Variants in RASGRP1 observed in about 807,000 individuals in gnomAD.
RASGRP1 encodes RAS guanyl releasing protein 1.
A neutral mutation model predicts 95.1 loss-of-function variants in RASGRP1; 37 were observed. That is an observed-to-expected ratio of 0.39 (90% CI 0.30 to 0.51). RASGRP1 has a LOEUF of 0.51. Among genes scored for constraint, RASGRP1 ranks in the 20% least tolerant of loss-of-function variants. RASGRP1 has a pLI of 0.80. For missense variants in RASGRP1, 711 were observed against 965.4 expected (o/e 0.74, Z 3.49); for synonymous variants, 325 against 353.4 (o/e 0.92, Z 0.90).
intron 11 of RASGRP1, 103 bp downstream of exon 11, chr15:38,503,169 G>T: frequency 1.1e-6 from 1 of 899,760 alleles, no homozygotes; most frequent in Non-Finnish European, 1.7e-6. Flanking sequence ...CAAGTTTCGT[G>T]CCTTTACATT....
chr15:38,536,490 A>G (rs1206914707), intron 2 of RASGRP1, among the ~76,000 whole-genome samples: 2 of 152,248 alleles, frequency 1.3e-5, no homozygotes, highest in East Asian at 3.8e-4. Context: ...ATTTTCAGAC[A>G]TGCCCAATAG....
chr15:38,508,337 T>C (rs547755811), intron 8 of RASGRP1, among the ~76,000 whole-genome samples: 4 of 152,322 alleles, frequency 2.6e-5, no homozygotes, highest in African/African-American at 9.6e-5. Context: ...CAAGAATATA[T>C]AGTGAACACT....
intron 8 of RASGRP1, among the ~76,000 whole-genome samples, chr15:38,510,045 A>G (rs1891439611): frequency 6.6e-6 from 1 of 152,202 alleles, no homozygotes; most frequent in African/African-American, 2.4e-5. Flanking sequence ...CTCACAAGAC[A>G]AGAGTGTAAC....
At chr15:38,496,194 A>G (rs1026130823) in intron 15 of RASGRP1, among the ~76,000 whole-genome samples, 4 of 152,224 alleles carry the variant, frequency 2.6e-5, no homozygotes, top group African/African-American at 9.6e-5. Flanking sequence ...TGAGATAGAA[A>G]TAACTAAGAA....
chr15:38,509,434 A>T (rs1248267500), intron 8 of RASGRP1, among the ~76,000 whole-genome samples: 4 of 152,184 alleles, frequency 2.6e-5, no homozygotes, highest in Admixed American at 6.5e-5. Context: ...GCATTTTAAA[A>T]CTTATGAATT....
At chr15:38,564,208 A>C (rs775307814) in intron 1 of RASGRP1, among the ~76,000 whole-genome samples, 12 of 152,196 alleles carry the variant, frequency 7.9e-5, no homozygotes, top group Non-Finnish European at 1.6e-4. Flanking sequence ...GCGCAGCCGG[A>C]GCCCAGCGCC....
intron 2 of RASGRP1, among the ~76,000 whole-genome samples, chr15:38,553,348 C>T (rs920674581): frequency 1.3e-5 from 2 of 152,222 alleles, no homozygotes; most frequent in African/African-American, 4.8e-5. Context: ...CTGTTTCTGT[C>T]AATTACTGAA....
intron 8 of RASGRP1, among the ~76,000 whole-genome samples, chr15:38,509,720 T>C (rs1891422212): frequency 2.0e-5 from 3 of 152,162 alleles, no homozygotes; most frequent in East Asian, 3.9e-4. Context: ...AGTGAGACTG[T>C]CTCAATCAAT....
chr15:38,554,931 A>G (rs1278862772), intron 2 of RASGRP1, among the ~76,000 whole-genome samples: 3 of 152,210 alleles, frequency 2.0e-5, no homozygotes, highest in Non-Finnish European at 2.9e-5. Flanking sequence ...TCCTGACACT[A>G]CAACTGACTT....
chr15:38,547,862 C>T (rs375833346), intron 2 of RASGRP1, among the ~76,000 whole-genome samples: 171 of 151,876 alleles, frequency 1.1e-3, no homozygotes, highest in African/African-American at 3.5e-3. Context: ...TGTGTGCGCG[C>T]GCGCGTGTGT....
At chr15:38,503,991 A>G (rs1314327054) in intron 10 of RASGRP1, 1 of 139,430 alleles carries the variant, frequency 7.2e-6, no homozygotes, top group South Asian at 2.5e-4. Context: ...CTACATACCT[A>G]TACAGCAGGT....
intron 16 of RASGRP1, among the ~76,000 whole-genome samples, chr15:38,493,740 A>C (rs1890686502): frequency 1.3e-5 from 2 of 152,298 alleles, no homozygotes; most frequent in South Asian, 4.1e-4. Flanking sequence ...AATATGTGTA[A>C]AAGATCAGCA....
At chr15:38,555,046 G>A (rs1035866323) in intron 2 of RASGRP1, among the ~76,000 whole-genome samples, 3 of 152,202 alleles carry the variant, frequency 2.0e-5, no homozygotes, top group African/African-American at 7.2e-5. Context: ...TTGCTTTGGT[G>A]CACAGACCAA....
intron 2 of RASGRP1, among the ~76,000 whole-genome samples, chr15:38,543,640 C>CT (rs1211206920): frequency 4.0e-5 from 2 of 49,794 alleles, no homozygotes; most frequent in African/African-American, 9.3e-5. Context: ...TTCTTTTTTT[C>CT]TTTTTTTCTT....
At chr15:38,502,476 C>A in intron 11 of RASGRP1, 55 bp from the exon 12 acceptor site, 1 of 1,125,866 alleles carries the variant, frequency 8.9e-7, no homozygotes, top group East Asian at 2.5e-5. Context: ...TCTTCTCTCC[C>A]TTTAGTCAAA....
chr15:38,543,561 CTTTT>C (rs1312763434), intron 2 of RASGRP1, among the ~76,000 whole-genome samples: 1 of 60,696 alleles, frequency 1.6e-5, no homozygotes, highest in African/African-American at 6.0e-5. Context: ...AAACTCTAGT[CTTTT>C]TTTTTTTTTT....
Position 38,534,362 on chromosome 15 carries a change from C to T in RASGRP1, c.221-7958G>A, listed in dbSNP as rs1048421333. On this transcript the variant is annotated intron_variant, in intron 2 of 16. Transcript: ENST00000310803. Reference sequence around the variant, plus strand: ...GTCCTGTTCTTCTTTCTGGGATAACCTGGTATGTCATACCCTGGCCCACAT... The same window carrying T: ...GTCCTGTTCTTCTTTCTGGGATAACTTGGTATGTCATACCCTGGCCCACAT... 11 of 151,442 alleles carry T rather than the reference C, an allele frequency of 7.3e-5. No homozygotes were observed. The East Asian group carries it at 2.1e-3, about 29-fold the overall frequency. 9.4% of individuals were successfully genotyped at this position (151,442 alleles called of 1,614,324 possible). A position where few individuals can be genotyped will look rare whatever the true frequency, so the allele number is the denominator to read the frequency against.
Position 38,515,910 on chromosome 15 carries a change from A to AGAGAGAGT in RASGRP1, c.675+286_675+287insACTCTCTC, listed in dbSNP as rs779224083. Among the ~76,000 whole-genome samples, 562 of 143,524 alleles carry AGAGAGAGT rather than the reference A, an allele frequency of 3.9e-3. 4 individuals carry two copies. The highest frequency in any genetic ancestry group is 0.014 in the African/African-American group (531 of 38,194). 94.2% of individuals were successfully genotyped at this position (143,524 alleles called of 152,430 possible). On this transcript the variant is annotated intron_variant, in intron 6 of 16. Transcript: ENST00000310803. Reference sequence around the variant, plus strand: ...GACAGAGAGAGAGAGAGAGAGAGAGAGTGTGTGTGTGTGTGTGTGATGTGT... The same window carrying AGAGAGAGT: ...GACAGAGAGAGAGAGAGAGAGAGAGAGAGAGAGTGTGTGTGTGTGTGTGTGTGATGTGT...
intron 10 of RASGRP1, among the ~76,000 whole-genome samples, chr15:38,505,399 A>G (rs1297116117): frequency 2.0e-5 from 3 of 152,162 alleles, no homozygotes; most frequent in African/African-American, 7.2e-5. Context: ...AATCTTCAGA[A>G]ATTTAGCTTC....
Sources: gnomAD v4.1 joint callset for allele counts (sites outside exome capture counted in the v4.1 genomes callset) on GRCh38, gnomAD v4.1.1 for gene constraint, MANE v1.5 for transcripts, NCBI Gene and HGNC (gene_info 2026-07-23, HGNC 2026-07-21) for gene names.